The following KIF5C variants were observed in gnomAD, a reference collection of about 807,000 sequenced individuals.
The protein encoded by KIF5C is kinesin family member 5C.
KIF5C carries 18 observed loss-of-function variants against 125.2 expected under a neutral mutation model. The ratio of observed to expected loss-of-function variants is 0.14; its 90% CI spans 0.10 to 0.21. The LOEUF (loss-of-function observed/expected upper bound fraction) is 0.21, where lower values mean the gene tolerates loss of function less well. Ranked by LOEUF, KIF5C falls within the 10% of genes least tolerant of loss-of-function variation. The pLI is 1.00. For synonymous variants in KIF5C, 405 were observed against 434.0 expected (o/e 0.93, Z 0.83); for missense variants, 780 against 1,183.8 (o/e 0.66, Z 5.01).
intron 8 of KIF5C, chr2:148,947,850 T>C (rs1351921003): frequency 2.6e-5 from 12 of 456,200 alleles, no homozygotes; most frequent in Non-Finnish European, 4.0e-5. Flanking sequence ...ATTGTCCCCA[T>C]GAAGGCCAGC....
chr2:148,963,513 T>A (rs1682978112), intron 11 of KIF5C, among the ~76,000 whole-genome samples: 1 of 152,194 alleles, frequency 6.6e-6, no homozygotes, highest in Non-Finnish European at 1.5e-5. Context: ...AACATGATTC[T>A]TTTATTTTTG....
chr2:148,934,672 C>T (rs1218439860), intron 3 of KIF5C, among the ~76,000 whole-genome samples: 1 of 151,834 alleles, frequency 6.6e-6, no homozygotes, highest in Non-Finnish European at 1.5e-5. Flanking sequence ...ACAAGCACCC[C>T]CACACTCGCC....
At chr2:148,984,424 T>C (rs1161641984) in intron 15 of KIF5C, among the ~76,000 whole-genome samples, 4 of 152,230 alleles carry the variant, frequency 2.6e-5, no homozygotes, top group Non-Finnish European at 5.9e-5. Flanking sequence ...GGCTCAACAA[T>C]GTCAAGTTCT....
chr2:148,912,845 T>G (rs1161694988), intron 1 of KIF5C, among the ~76,000 whole-genome samples: 1 of 152,180 alleles, frequency 6.6e-6, no homozygotes. Flanking sequence ...GCATGACAAC[T>G]GAGATGATGT....
At chr2:149,017,138 C>T (rs1001080646) in intron 25 of KIF5C, among the ~76,000 whole-genome samples, 1 of 152,114 alleles carries the variant, frequency 6.6e-6, no homozygotes, top group African/African-American at 2.4e-5. Context: ...TGAAGGAGAT[C>T]AGAGAAATGG....
intron 10 of KIF5C, among the ~76,000 whole-genome samples, chr2:148,958,518 T>G (rs1682851539): frequency 6.6e-6 from 1 of 152,190 alleles, no homozygotes; most frequent in Non-Finnish European, 1.5e-5. Flanking sequence ...CAGTTTTTTC[T>G]TATTGATTTA....
chr2:148,901,371 G>C (rs1680896216), intron 1 of KIF5C, among the ~76,000 whole-genome samples: 1 of 152,194 alleles, frequency 6.6e-6, no homozygotes, highest in Non-Finnish European at 1.5e-5. Flanking sequence ...GGAGAGAGTG[G>C]TGAGGCACCA....
At chr2:148,898,405 C>A (rs1366456358) in intron 1 of KIF5C, among the ~76,000 whole-genome samples, 2 of 152,210 alleles carry the variant, frequency 1.3e-5, no homozygotes, top group Non-Finnish European at 1.5e-5. Flanking sequence ...AAGATGTCCA[C>A]TTCTTAATCC....
At chr2:148,995,348 G>A (rs1053927475) in intron 17 of KIF5C, among the ~76,000 whole-genome samples, 11 of 152,158 alleles carry the variant, frequency 7.2e-5, no homozygotes, top group African/African-American at 2.2e-4. Flanking sequence ...TTGAACTGCC[G>A]TGGCTTCCCT....
chr2:149,022,240 A>C (rs1385768448), intron 25 of KIF5C, among the ~76,000 whole-genome samples: 1 of 152,182 alleles, frequency 6.6e-6, no homozygotes, highest in Non-Finnish European at 1.5e-5. Context: ...GGAATGAGAA[A>C]ATGCATTATG....
intron 21 of KIF5C, among the ~76,000 whole-genome samples, chr2:149,004,064 A>G (rs1431004657): frequency 6.6e-6 from 1 of 152,258 alleles, no homozygotes; most frequent in Admixed American, 6.5e-5. Flanking sequence ...GCTGGAAGGC[A>G]GCACAGCCTC....
chr2:148,970,270 T>C (rs1376373334), intron 11 of KIF5C, among the ~76,000 whole-genome samples: 1 of 152,198 alleles, frequency 6.6e-6, no homozygotes, highest in Non-Finnish European at 1.5e-5. Context: ...CGTAAAGATC[T>C]CAGAAACACA....
At chr2:148,967,460 C>T (rs1680767922) in intron 11 of KIF5C, among the ~76,000 whole-genome samples, 1 of 152,068 alleles carries the variant, frequency 6.6e-6, no homozygotes, top group African/African-American at 2.4e-5. Context: ...GAAGCAGAGG[C>T]CCAGGATAGA....
intron 4 of KIF5C, among the ~76,000 whole-genome samples, chr2:148,939,925 C>T (rs1397860871): frequency 2.6e-5 from 4 of 152,180 alleles, no homozygotes; most frequent in Admixed American, 6.5e-5. Context: ...TCACCACCCT[C>T]GCACACACAC....
In KIF5C at chr2:148,991,062, A is replaced by T. The variant is rs1043187910; in HGVS notation, c.1769A>T (p.Tyr590Phe). 1.9e-6 allele frequency: 3 copies of T among 1,613,724 alleles called. No individual in the cohort carries two copies. The highest frequency in any genetic ancestry group is 2.5e-6 in the Non-Finnish European group (3 of 1,179,838). Residue 590 changes from tyrosine (Y) to phenylalanine (F), a missense_variant, in exon 16 of 26, where the codon TAC (tyrosine) becomes TTC (phenylalanine). Transcript: ENST00000435030. ...GAGGAGTTTACCATGGCCCGCCTGT[A>T]CATCAGCAAGATGAAGTCAGAGGTC... Reference protein sequence around the residue: ...IEEEFTMARLYISKMKSEVKS... With the variant: ...IEEEFTMARLFISKMKSEVKS...
chr2:149,022,534 T>A (rs1388001165), intron 25 of KIF5C, among the ~76,000 whole-genome samples: 3 of 152,218 alleles, frequency 2.0e-5, no homozygotes, highest in Non-Finnish European at 4.4e-5. Context: ...ACCAGTTACA[T>A]GTTGAAATAC....
In KIF5C at chr2:148,981,281, A is replaced by G. The variant is rs1681228069; in HGVS notation, c.1363-74A>G. On this transcript the variant is annotated intron_variant, in intron 13 of 25. Transcript: ENST00000435030. ...CTTATATCTGGTTTTTAAATTACTT[A>G]CTTTTGGATACAGCATAGAACATAA... 5 of 1,457,288 alleles carry G rather than the reference A, an allele frequency of 3.4e-6. No individual in the cohort carries two copies. In the South Asian group the frequency reaches 6.0e-5, roughly 17 times the overall value. The allele number at this position is 1,457,288 out of a possible 1,614,324, so 90.3% of individuals were successfully genotyped here.
chr2:148,967,468 A>G (rs1047681022), intron 11 of KIF5C, among the ~76,000 whole-genome samples: 1 of 152,186 alleles, frequency 6.6e-6, no homozygotes, highest in African/African-American at 2.4e-5. Context: ...GGCCCAGGAT[A>G]GAAGTGGGAA....
chr2:148,976,300 C>T (rs765610307), intron 12 of KIF5C, among the ~76,000 whole-genome samples: 5 of 137,114 alleles, frequency 3.6e-5, no homozygotes, highest in South Asian at 2.5e-4. Flanking sequence ...GATGGAGTCT[C>T]GCTCTGTCAC....
Sources: allele counts gnomAD v4.1 joint callset (sites outside exome capture counted in the v4.1 genomes callset), GRCh38; gene constraint gnomAD v4.1.1; transcripts MANE v1.5; gene names NCBI Gene and HGNC (gene_info 2026-07-23, HGNC 2026-07-21).